OASL: variants seen among roughly 807,000 people sequenced by gnomAD.
OASL encodes 2'-5'-oligoadenylate synthase-like protein.
OASL carries 28 observed loss-of-function variants against 35.3 expected under a neutral mutation model. The ratio of observed to expected loss-of-function variants is 0.79; its 90% CI spans 0.59 to 1.09. The LOEUF is 1.09. Among genes scored for constraint, OASL ranks in the 50% least tolerant of loss-of-function variants. The pLI is 0.00. For missense variants in OASL, 620 were observed against 635.2 expected (o/e 0.98, Z 0.26); for synonymous variants, 252 against 254.6 (o/e 0.99, Z 0.10).
chr12:121,021,340 A>G lies in OASL; in HGVS notation c.1048-282T>C, dbSNP rs548475131. ...GGGTTAGGTAATTTACTGAACACCA[A>G]TCACATAGGTAGTAAGGAGCAGGGC... is the stretch of plus-strand genomic sequence containing the variant. On this transcript the variant is annotated intron_variant, in intron 5 of 5. Transcript: ENST00000257570. Among the ~76,000 whole-genome samples the G allele has an allele frequency of 2.9e-4, 44 of 152,304 alleles. 1 individual carries two copies. The highest frequency in any genetic ancestry group is 5.0e-4 in the Non-Finnish European group (34 of 68,026).
chr12:121,034,375 C>T (rs773436458), intron 1 of OASL, among the ~76,000 whole-genome samples: 3 of 152,146 alleles, frequency 2.0e-5, no homozygotes, highest in Non-Finnish European at 4.4e-5. Context: ...GCATGTCGCC[C>T]AGGCTGGTCT....
chr12:121,027,048 G>T (rs183855835), intron 4 of OASL, among the ~76,000 whole-genome samples: 5 of 152,174 alleles, frequency 3.3e-5, no homozygotes, highest in Admixed American at 2.0e-4. Context: ...AAGGCCGAGA[G>T]GATATGAATG....
At chr12:121,027,468 G>C (rs1869535278) in intron 4 of OASL, 108 bp downstream of exon 4, 2 of 1,496,396 alleles carry the variant, frequency 1.3e-6, no homozygotes, top group East Asian at 2.3e-5. Context: ...AACTATGGTG[G>C]CAGCCTTACT....
At chr12:121,029,259 C>G (rs1435961652) in intron 3 of OASL, among the ~76,000 whole-genome samples, 1 of 152,048 alleles carries the variant, frequency 6.6e-6, no homozygotes, top group East Asian at 1.9e-4. Flanking sequence ...ACACTTTGGC[C>G]TTGAAACAAA....
At chr12:121,039,222 A>C in exon 1 of OASL, 1 of 527,942 alleles carries the variant, frequency 1.9e-6, no homozygotes, top group South Asian at 2.4e-5. Flanking sequence ...GGGCCACCTT[A>C]ACAGGCTGGC....
chr12:121,027,971 A>G (rs1390571387), intron 3 of OASL, among the ~76,000 whole-genome samples, 154 bp from the exon 4 acceptor site: 1 of 152,202 alleles, frequency 6.6e-6, no homozygotes, highest in African/African-American at 2.4e-5. Flanking sequence ...ATCTCTAGAC[A>G]TAGGTTTCAC....
exon 2 of OASL, chr12:121,033,489 G>A: frequency 6.2e-7 from 1 of 1,613,316 alleles, no homozygotes; most frequent in African/African-American, 1.3e-5. Flanking sequence ...GCACAATGGT[G>A]ACCGTGATGG....
Position 121,033,460 on chromosome 12 carries a change from C to T in OASL, c.481+1G>A, listed in dbSNP as rs371593303. The T allele has an allele frequency of 1.1e-5, 17 of 1,606,470 alleles. No individual in the cohort carries two copies. The highest frequency in any genetic ancestry group is 2.2e-5 in the East Asian group (1 of 44,624). On this transcript the variant is annotated splice_donor_variant, in intron 2 of 5. Coordinates refer to ENST00000257570, the Ensembl canonical transcript of OASL. LOFTEE classifies it high-confidence loss of function. ...GTCGGGTGAGCTTCCCCTCCCCTTA[C>T]CCAGGGCTCTGTAGGCAGGCACAAT...
intron 4 of OASL, among the ~76,000 whole-genome samples, chr12:121,026,120 G>A (rs548453056): frequency 1.3e-5 from 2 of 152,300 alleles, no homozygotes; most frequent in South Asian, 4.1e-4. Context: ...AGGCAGAGGG[G>A]AGCCGGACAG....
exon 6 of OASL, chr12:121,020,897 C>G (rs1430662878): frequency 1.2e-6 from 2 of 1,614,182 alleles, no homozygotes; most frequent in African/African-American, 1.3e-5. Context: ...GAAGCTGCCT[C>G]TCACTGCCAG....
exon 6 of OASL, chr12:121,020,931 A>T (rs1199634736): frequency 6.2e-7 from 1 of 1,614,224 alleles, no homozygotes; most frequent in South Asian, 1.1e-5. Context: ...CAGACGCTGC[A>T]GGCCAGAGTA....
chr12:121,020,720 C>T (rs1201067352), exon 6 of OASL: 1 of 1,614,226 alleles, frequency 6.2e-7, no homozygotes, highest in Admixed American at 1.7e-5. Context: ...GGTCTTCAAT[C>T]TGCTGCTTCA....
chr12:121,037,011 A>G (rs375161975), intron 1 of OASL, among the ~76,000 whole-genome samples: 1 of 152,142 alleles, frequency 6.6e-6, no homozygotes, highest in African/African-American at 2.4e-5. Context: ...GTCTAATATC[A>G]AAATTTGTGG....
intron 5 of OASL, 90 bp downstream of exon 5, chr12:121,023,900 C>T (rs1385940870): frequency 2.0e-6 from 3 of 1,472,720 alleles, no homozygotes; most frequent in Non-Finnish European, 2.8e-6. Context: ...TTCTGTTCTC[C>T]ATCAACACAG....
chr12:121,032,567 CTG>C (rs752507266), intron 2 of OASL, among the ~76,000 whole-genome samples: 22 of 152,168 alleles, frequency 1.4e-4, no homozygotes, highest in Non-Finnish European at 3.2e-4. Context: ...CATAATGGGA[CTG>C]TGAGTTCTCC....
chr12:121,027,311 G>A lies in OASL; in HGVS notation c.899+265C>T, dbSNP rs188877282. Among the ~76,000 whole-genome samples the A allele has an allele frequency of 6.7e-3, 1,022 of 152,102 alleles. 12 individuals are homozygous for A. Among genetic ancestry groups the A allele is most frequent in the African/African-American group, 0.023 (968 of 41,496 alleles). On this transcript the variant is annotated intron_variant, in intron 4 of 5. Transcript: ENST00000257570. ...CTAGCTCCTACAAAGCACTGAAATGGTCTTCAGAGAGCAAGAAGGCCAAGC... is the reference window on the plus strand; with the variant it reads ...CTAGCTCCTACAAAGCACTGAAATGATCTTCAGAGAGCAAGAAGGCCAAGC...
chr12:121,022,260 T>C (rs1188162376), intron 5 of OASL, among the ~76,000 whole-genome samples: 1 of 152,078 alleles, frequency 6.6e-6, no homozygotes, highest in African/African-American at 2.4e-5. Context: ...CTAATTTTTG[T>C]ATTTTTAGTA....
chr12:121,019,614 A>T (rs1425068504), exon 6 of OASL: 2 of 152,080 alleles, frequency 1.3e-5, no homozygotes, highest in Non-Finnish European at 2.9e-5. Flanking sequence ...TAGAGTTGAG[A>T]AGCTCAAATG....
At chr12:121,028,955 C>T (rs999123814) in intron 3 of OASL, among the ~76,000 whole-genome samples, 4 of 150,376 alleles carry the variant, frequency 2.7e-5, no homozygotes, top group Non-Finnish European at 5.9e-5. Flanking sequence ...ATCCCAGCTA[C>T]TTGGGAGGCT....
Sources: gnomAD v4.1 joint callset for allele counts (sites outside exome capture counted in the v4.1 genomes callset) on GRCh38, gnomAD v4.1.1 for gene constraint, MANE v1.5 for transcripts, NCBI Gene and HGNC (gene_info 2026-07-23, HGNC 2026-07-21) for gene names.